SYNE2: variants seen among roughly 807,000 people sequenced by gnomAD.
SYNE2 encodes the protein spectrin repeat containing nuclear envelope protein 2, also known as nesprin-2.
In SYNE2, 431 loss-of-function variants were observed where a neutral mutation model predicts 856.3. The observed-to-expected ratio is 0.50, with a 90% CI of 0.47 to 0.55. SYNE2 has a LOEUF of 0.55. Ranked by LOEUF, SYNE2 falls within the 20% of genes least tolerant of loss-of-function variation. SYNE2 has a pLI of 0.00. For synonymous variants in SYNE2, 2,923 were observed against 2,872.3 expected, an observed-to-expected ratio of 1.02 and a Z score of -0.56; for missense variants, 8,129 against 8,023.2, an observed-to-expected ratio of 1.01 and a Z score of -0.50.
At chr14:64,189,205 G>C (rs534851240) in intron 98 of SYNE2, among the ~76,000 whole-genome samples, 2 of 152,176 alleles carry the variant, frequency 1.3e-5, no homozygotes, top group East Asian at 3.9e-4. Flanking sequence ...GTGGTGGTGG[G>C]CACCTGTAAT....
At chr14:63,973,933 C>T (rs34902500) in intron 11 of SYNE2, among the ~76,000 whole-genome samples, 9,125 of 152,114 alleles carry the variant, frequency 0.06, 329 homozygotes, top group Admixed American at 0.098. Context: ...AAATTTTTGC[C>T]TGTTTAAAAA....
intron 99 of SYNE2, among the ~76,000 whole-genome samples, chr14:64,200,009 C>T (rs917499052): frequency 2.0e-5 from 3 of 152,112 alleles, no homozygotes; most frequent in African/African-American, 7.2e-5. Context: ...GTGTTGCACA[C>T]CTAACCCCCA....
chr14:63,876,614 A>G (rs868591165), intron 1 of SYNE2, among the ~76,000 whole-genome samples: 2 of 151,690 alleles, frequency 1.3e-5, no homozygotes, highest in African/African-American at 4.8e-5. Context: ...CAGGCTCCCG[A>G]GTAGCTGGGA....
At chr14:64,078,228 A>C (rs2097485391) in intron 54 of SYNE2, among the ~76,000 whole-genome samples, 1 of 152,224 alleles carries the variant, frequency 6.6e-6, no homozygotes, top group Admixed American at 6.5e-5. Flanking sequence ...TACAGTACAA[A>C]TAAAAAACCA....
At chr14:63,958,984 T>C (rs2096274317) in intron 8 of SYNE2, among the ~76,000 whole-genome samples, 1 of 152,180 alleles carries the variant, frequency 6.6e-6, no homozygotes, top group Admixed American at 6.5e-5. Context: ...AGTTTGCTTG[T>C]TTGTTTTTGA....
chr14:64,125,709 C>A (rs1356394400), intron 71 of SYNE2, among the ~76,000 whole-genome samples: 1 of 152,072 alleles, frequency 6.6e-6, no homozygotes, highest in Non-Finnish European at 1.5e-5. Flanking sequence ...AAGAGGTGGC[C>A]CCAGCAGCTT....
At chr14:63,825,960 G>A (rs970636962) in intron 1 of SYNE2, among the ~76,000 whole-genome samples, 1 of 152,158 alleles carries the variant, frequency 6.6e-6, no homozygotes, top group Non-Finnish European at 1.5e-5. Flanking sequence ...TGTTTAGATA[G>A]CAGTACTTTC....
intron 96 of SYNE2, 91 bp from the exon 97 acceptor site, chr14:64,186,333 C>G: frequency 6.5e-7 from 1 of 1,544,138 alleles, no homozygotes; most frequent in Non-Finnish European, 8.9e-7. Context: ...TCCCCTCCCC[C>G]AGAGTCTAAT....
intron 1 of SYNE2, among the ~76,000 whole-genome samples, chr14:63,794,540 A>G (rs996043993): frequency 9.2e-5 from 14 of 152,214 alleles, no homozygotes; most frequent in African/African-American, 3.1e-4. Context: ...AGTAACAACT[A>G]CACAGAAAAT....
intron 99 of SYNE2, among the ~76,000 whole-genome samples, chr14:64,199,823 G>A (rs1030219942): frequency 1.3e-5 from 2 of 151,542 alleles, no homozygotes; most frequent in Non-Finnish European, 2.9e-5. Context: ...TAATAATTAA[G>A]TTTATAATTT....
intron 1 of SYNE2, among the ~76,000 whole-genome samples, chr14:63,787,038 C>CA (rs771388659): frequency 2.6e-5 from 4 of 152,214 alleles, no homozygotes; most frequent in Non-Finnish European, 5.9e-5. Context: ...GCTAGGATTA[C>CA]AGGCATGAGC....
chr14:64,188,212 A>G (rs1003243254), intron 97 of SYNE2, among the ~76,000 whole-genome samples: 1 of 152,220 alleles, frequency 6.6e-6, no homozygotes, highest in Non-Finnish European at 1.5e-5. Flanking sequence ...ATTCGTTGTT[A>G]TAAGGGCAAG....
At chr14:63,891,138 A>G (rs965537038) in intron 1 of SYNE2, among the ~76,000 whole-genome samples, 4 of 152,218 alleles carry the variant, frequency 2.6e-5, no homozygotes, top group African/African-American at 4.8e-5. Flanking sequence ...AAGCTCAGCA[A>G]TTGTAGGGGA....
At chr14:63,957,657 A>C (rs1220714561) in intron 8 of SYNE2, among the ~76,000 whole-genome samples, 1 of 151,900 alleles carries the variant, frequency 6.6e-6, no homozygotes, top group Non-Finnish European at 1.5e-5. Context: ...TCATGAGGGA[A>C]GGAGTTCAAG....
At chr14:64,015,672 G>A (rs371373193) in intron 32 of SYNE2, among the ~76,000 whole-genome samples, 7 of 151,894 alleles carry the variant, frequency 4.6e-5, no homozygotes, top group African/African-American at 9.6e-5. Flanking sequence ...TAATGTTCTT[G>A]TATTTTCAAC....
chr14:63,995,018 A>G (rs1296403832), intron 22 of SYNE2, 26 bp from the exon 23 acceptor site: 1 of 1,425,054 alleles, frequency 7.0e-7, no homozygotes, highest in South Asian at 1.2e-5. Context: ...CTCATGGTTA[A>G]TATATTCCTT....
At chr14:64,043,513 G>T (rs933068801) in intron 45 of SYNE2, among the ~76,000 whole-genome samples, 3 of 151,472 alleles carry the variant, frequency 2.0e-5, no homozygotes, top group African/African-American at 7.3e-5. Context: ...AAAAAAAATG[G>T]TTTTGTGGGC....
At chr14:64,077,636 TG>T (rs142860308) in intron 54 of SYNE2, among the ~76,000 whole-genome samples, 6,576 of 18,180 alleles carry the variant, frequency 0.36, 496 homozygotes, top group African/African-American at 0.42. Flanking sequence ...CAGATAGAGT[TG>T]TTTTTTTTTT....
intron 1 of SYNE2, among the ~76,000 whole-genome samples, chr14:63,772,998 G>A (rs578197978): frequency 2.6e-4 from 39 of 151,134 alleles, no homozygotes; most frequent in Non-Finnish European, 5.0e-4. Flanking sequence ...GGCTGGTCTC[G>A]AACTCCTGAC....
Sources: allele counts gnomAD v4.1 joint callset (sites outside exome capture counted in the v4.1 genomes callset), GRCh38; gene constraint gnomAD v4.1.1; transcripts MANE v1.5; gene names NCBI Gene and HGNC (gene_info 2026-07-23, HGNC 2026-07-21).